Variants in KANK1 observed in about 807,000 individuals in gnomAD.
The protein encoded by KANK1 is KN motif and ankyrin repeat domain-containing protein 1.
A neutral mutation model predicts 106.2 loss-of-function variants in KANK1; 109 were observed. That is an observed-to-expected ratio of 1.03 (90% CI 0.88 to 1.20). The LOEUF is 1.20. KANK1 is among the 50% of genes most tolerant of loss of function. The pLI is 0.00. For synonymous variants in KANK1, 873 were observed against 652.2 expected, an observed-to-expected ratio of 1.34 and a Z score of -5.16; for missense variants, 2,399 against 1,710.7, an observed-to-expected ratio of 1.40 and a Z score of -7.10.
chr9:641,698 T>C (rs1266511087), intron 1 of KANK1, among the ~76,000 whole-genome samples: 3 of 152,190 alleles, frequency 2.0e-5, no homozygotes, highest in Non-Finnish European at 4.4e-5. Context: ...CTATCTTACA[T>C]CTTACTCTCT....
chr9:543,875 T>C (rs1587671497), intron 1 of KANK1, among the ~76,000 whole-genome samples: 1 of 152,314 alleles, frequency 6.6e-6, no homozygotes, highest in East Asian at 1.9e-4. Context: ...ATCCAGGGCT[T>C]CTCTATTAGG....
chr9:495,946 G>C (rs1179133504), intron 3 of KANK1, among the ~76,000 whole-genome samples: 1 of 151,614 alleles, frequency 6.6e-6, no homozygotes, highest in Non-Finnish European at 1.5e-5. Context: ...TCAGTGTAAA[G>C]TTATCATCAC....
intron 1 of KANK1, among the ~76,000 whole-genome samples, chr9:649,095 C>T (rs2137481099): frequency 6.6e-6 from 1 of 152,100 alleles, no homozygotes; most frequent in Middle Eastern, 3.4e-3. Context: ...TACTGTATCT[C>T]GTGAATAAGA....
chr9:649,044 G>A (rs1288249501), intron 1 of KANK1, among the ~76,000 whole-genome samples: 1 of 152,132 alleles, frequency 6.6e-6, no homozygotes, highest in Non-Finnish European at 1.5e-5. Flanking sequence ...TCTGACATCT[G>A]ACGTTATTGT....
chr9:541,310 A>G (rs973451975), intron 1 of KANK1, among the ~76,000 whole-genome samples: 2 of 152,192 alleles, frequency 1.3e-5, no homozygotes, highest in African/African-American at 4.8e-5. Context: ...AAAGTTGCCA[A>G]GAACACACAA....
intron 1 of KANK1, among the ~76,000 whole-genome samples, chr9:608,109 C>G (rs1351071947): frequency 7.0e-6 from 1 of 143,778 alleles, no homozygotes; most frequent in African/African-American, 2.6e-5. Context: ...GCAATCTCGG[C>G]TCACTGCAAG....
chr9:524,982 C>CTTTTTTTTTTTTTTTTTTTTTTTT (rs35377139), intron 1 of KANK1, among the ~76,000 whole-genome samples: 1 of 91,984 alleles, frequency 1.1e-5, no homozygotes, highest in African/African-American at 4.7e-5. Context: ...CTCTTGCTGC[C>CTTTTTTTTTTTTTTTTTTTTTTTT]TTTTTTTTTT....
intron 3 of KANK1, among the ~76,000 whole-genome samples, chr9:723,824 AG>A (rs1157602492): frequency 6.6e-6 from 1 of 151,834 alleles, no homozygotes; most frequent in Non-Finnish European, 1.5e-5. Context: ...TGGGCACAGT[AG>A]CTCATGCCTG....
Position 742,932 on chromosome 9 carries a change from C to T in KANK1, c.3897+527C>T, listed in dbSNP as rs186815114. 1.2e-4 allele frequency among the ~76,000 whole-genome samples: 19 copies of T among 152,322 alleles called. 1 individual carries two copies. The East Asian group carries it at 3.1e-3, about 25-fold the overall frequency. ...AGCTTGACTTCTTGAAGCGTTTTCC[C>T]ATTTCTGCTTAGTCTGTCCCATCAA... On this transcript the variant is annotated intron_variant, in intron 10 of 11. Coordinates refer to ENST00000382297, the MANE Select transcript of KANK1 (RefSeq NM_015158.5).
At chr9:570,812 G>C (rs1331835231) in intron 1 of KANK1, among the ~76,000 whole-genome samples, 1 of 152,120 alleles carries the variant, frequency 6.6e-6, no homozygotes, top group Non-Finnish European at 1.5e-5. Flanking sequence ...CGTTGGCTTA[G>C]TTTTTCATGA....
At chr9:668,047 A>G (rs984982696) in intron 1 of KANK1, among the ~76,000 whole-genome samples, 1 of 152,104 alleles carries the variant, frequency 6.6e-6, no homozygotes, top group East Asian at 1.9e-4. Context: ...TCCTCTTGTT[A>G]TTGATATCTA....
chr9:608,031 A>ATTTTT (rs1175822024), intron 1 of KANK1, among the ~76,000 whole-genome samples: 1,096 of 87,880 alleles, frequency 0.012, 46 homozygotes, highest in African/African-American at 0.039. Context: ...TATTATTATT[A>ATTTTT]TTATTTTTTT....
At chr9:674,461 T>C (rs564637334) in intron 1 of KANK1, 14 of 151,908 alleles carry the variant, frequency 9.2e-5, no homozygotes, top group Admixed American at 3.9e-4. Flanking sequence ...GTAGTTAGCT[T>C]TGAACTGTGG....
chr9:721,694 C>G (rs565078021), intron 3 of KANK1, among the ~76,000 whole-genome samples: 1 of 152,190 alleles, frequency 6.6e-6, no homozygotes, highest in Non-Finnish European at 1.5e-5. Context: ...CTGGGTCCCT[C>G]AAGGCTTCAG....
intron 1 of KANK1, among the ~76,000 whole-genome samples, chr9:597,469 T>C (rs1304390738): frequency 6.6e-6 from 1 of 151,806 alleles, no homozygotes; most frequent in African/African-American, 2.4e-5. Context: ...TTAATGGTAT[T>C]TATCTTTCCA....
rs532781253 is a variant in KANK1 at position 550,324 on chromosome 9, C to T, written c.-84+45570C>T. Among the ~76,000 whole-genome samples the T allele has an allele frequency of 4.6e-5, 7 of 152,172 alleles. No homozygotes were observed. In the South Asian group the frequency reaches 8.3e-4, roughly 18 times the overall value. The stretch of plus-strand genomic sequence containing the variant: ...ATAGGGTGTTTATTACCAAAAAAAC[C>T]TCCTTCTTATTTAATAATACAGTGC... On this transcript the variant is annotated intron_variant, in intron 1 of 11. Coordinates refer to ENST00000382297, the MANE Select transcript of KANK1 (RefSeq NM_015158.5).
intron 8 of KANK1, among the ~76,000 whole-genome samples, chr9:739,417 G>C (rs900650497): frequency 6.6e-6 from 1 of 152,122 alleles, no homozygotes; most frequent in African/African-American, 2.4e-5. Context: ...TTGGGAACTT[G>C]GAATTGATGC....
At chr9:544,117 C>G (rs2060782676) in intron 1 of KANK1, among the ~76,000 whole-genome samples, 1 of 151,836 alleles carries the variant, frequency 6.6e-6, no homozygotes, top group Admixed American at 6.6e-5. Flanking sequence ...ATCTCCTAGG[C>G]TCAAGTGATC....
At chr9:624,876 C>T (rs148716014) in intron 1 of KANK1, among the ~76,000 whole-genome samples, 1 of 152,168 alleles carries the variant, frequency 6.6e-6, no homozygotes, top group Non-Finnish European at 1.5e-5. Flanking sequence ...CCAGTGAGAG[C>T]CCATCTCTGA....
Sources: gnomAD v4.1 joint callset for allele counts (sites outside exome capture counted in the v4.1 genomes callset) on GRCh38, gnomAD v4.1.1 for gene constraint, MANE v1.5 for transcripts, NCBI Gene and HGNC (gene_info 2026-07-23, HGNC 2026-07-21) for gene names.